Variants in CDYL2 observed in about 807,000 individuals in gnomAD.
The protein encoded by CDYL2 is chromodomain Y like 2.
In CDYL2, 23 loss-of-function variants were observed where a neutral mutation model predicts 49.4. That is an observed-to-expected ratio of 0.47 (90% CI 0.34 to 0.66). The LOEUF (loss-of-function observed/expected upper bound fraction) is 0.66. Ranked by LOEUF, CDYL2 falls within the 30% of genes least tolerant of loss-of-function variation. CDYL2 has a pLI of 0.01. For synonymous variants in CDYL2, 360 were observed against 268.8 expected (o/e 1.34, Z -3.32); for missense variants, 678 against 656.4 (o/e 1.03, Z -0.36).
At position 80,603,747 on chromosome 16, in the gene CDYL2, C is replaced by T. The variant is rs140763616; in HGVS notation, c.*641G>A. The T allele has an allele frequency of 6.5e-6, 1 of 152,792 alleles. No homozygotes were observed. The highest frequency in any genetic ancestry group is 2.4e-5 in the African/African-American group (1 of 41,576). 9.5% of individuals were successfully genotyped at this position (152,792 alleles called of 1,614,324 possible). A position where few individuals can be genotyped will look rare whatever the true frequency, so the allele number is the denominator to read the frequency against. ...CAAAACTAGCTTTACATATAATACACATAAATTATCAGAATTTCCACTTAC... is the reference window on the plus strand; with the variant it reads ...CAAAACTAGCTTTACATATAATACATATAAATTATCAGAATTTCCACTTAC... On this transcript the variant is annotated 3_prime_UTR_variant, in exon 7 of 7. Transcript: ENST00000570137.
intron 1 of CDYL2, among the ~76,000 whole-genome samples, chr16:80,719,269 C>G (rs73595121): frequency 6.6e-6 from 1 of 152,034 alleles, no homozygotes; most frequent in African/African-American, 2.4e-5. Context: ...TCCCAGGCCC[C>G]GGAAGAGGCT....
chr16:80,670,493 C>G (rs1909456392), intron 2 of CDYL2, among the ~76,000 whole-genome samples: 1 of 152,128 alleles, frequency 6.6e-6, no homozygotes, highest in Non-Finnish European at 1.5e-5. Context: ...TCAATTAAAC[C>G]TCTTTCCTTT....
chr16:80,772,339 C>T (rs892368155), intron 1 of CDYL2, among the ~76,000 whole-genome samples: 2 of 152,106 alleles, frequency 1.3e-5, no homozygotes, highest in Non-Finnish European at 2.9e-5. Context: ...TCCAATGGGG[C>T]TTAAAATATA....
intron 1 of CDYL2, among the ~76,000 whole-genome samples, chr16:80,798,864 T>C (rs1270658886): frequency 1.3e-5 from 2 of 152,186 alleles, no homozygotes; most frequent in East Asian, 1.9e-4. Context: ...ATATTTATAA[T>C]GGTTTACAAA....
At chr16:80,639,584 C>T (rs1304178497) in intron 2 of CDYL2, 4 of 430,988 alleles carry the variant, frequency 9.3e-6, no homozygotes, top group African/African-American at 4.1e-5. Context: ...ATTGTACCCT[C>T]CCCCCTGCAA....
intron 1 of CDYL2, among the ~76,000 whole-genome samples, chr16:80,791,875 G>A (rs1037107465): frequency 1.3e-5 from 2 of 152,178 alleles, no homozygotes; most frequent in African/African-American, 4.8e-5. Flanking sequence ...ATAGTCCAGA[G>A]AAAAATGGAA....
At chr16:80,759,102 C>CTATATATATA (rs59240300) in intron 1 of CDYL2, among the ~76,000 whole-genome samples, 1,345 of 63,196 alleles carry the variant, frequency 0.021, 46 homozygotes, top group East Asian at 0.042. Flanking sequence ...AAACCATATA[C>CTATATATATA]TATATATATA....
chr16:80,723,531 C>T (rs1238523287), intron 1 of CDYL2, among the ~76,000 whole-genome samples: 3 of 152,206 alleles, frequency 2.0e-5, no homozygotes, highest in African/African-American at 2.4e-5. Context: ...CCAGGTGAGA[C>T]TGACCCCATG....
chr16:80,681,416 C>G (rs1909962432), intron 2 of CDYL2, among the ~76,000 whole-genome samples: 1 of 152,188 alleles, frequency 6.6e-6, no homozygotes, highest in Admixed American at 6.5e-5. Context: ...TTCAGCAAAG[C>G]TTCCCTCTGG....
chr16:80,788,807 G>C (rs1032380187), intron 1 of CDYL2, among the ~76,000 whole-genome samples: 12 of 152,002 alleles, frequency 7.9e-5, no homozygotes, highest in African/African-American at 2.9e-4. Context: ...CATAGTGTCT[G>C]GCACATATTA....
chr16:80,705,872 C>T (rs1413104063), intron 1 of CDYL2, among the ~76,000 whole-genome samples: 2 of 152,268 alleles, frequency 1.3e-5, no homozygotes, highest in African/African-American at 2.4e-5. Flanking sequence ...TATAATTTCT[C>T]CATTCCATAG....
At chr16:80,758,342 T>C (rs1483855154) in intron 1 of CDYL2, among the ~76,000 whole-genome samples, 1 of 151,952 alleles carries the variant, frequency 6.6e-6, no homozygotes, top group East Asian at 1.9e-4. Context: ...ACAAAAGTAA[T>C]AACTACAATA....
At position 80,755,354 on chromosome 16, in the gene CDYL2, C is replaced by T. The variant is rs149514491; in HGVS notation, c.24+48796G>A. On this transcript the variant is annotated intron_variant, in intron 1 of 6. Coordinates refer to ENST00000570137, the MANE Select transcript of CDYL2 (RefSeq NM_152342.4). The stretch of plus-strand genomic sequence containing the variant: ...CTTCCTTGCTCCCTCACCTAAGAGT[C>T]CCCCTCAGGAAAAACAGAAATCAGT... Among the ~76,000 whole-genome samples the T allele has an allele frequency of 5.3e-5, 8 of 152,226 alleles. No individual in the cohort carries two copies. The East Asian group carries it at 1.5e-3, about 29-fold the overall frequency.
intron 1 of CDYL2, among the ~76,000 whole-genome samples, chr16:80,767,689 C>T (rs769610193): frequency 1.3e-5 from 2 of 152,184 alleles, no homozygotes; most frequent in Non-Finnish European, 2.9e-5. Context: ...TATAAAAGCA[C>T]GTGTCTATGC....
intron 5 of CDYL2, among the ~76,000 whole-genome samples, chr16:80,609,461 C>T (rs561865095): frequency 3.2e-4 from 49 of 152,316 alleles, no homozygotes; most frequent in East Asian, 1.7e-3. Flanking sequence ...CAATCTTTCA[C>T]GCCAGAGTAG....
chr16:80,761,162 C>T (rs1906515149), intron 1 of CDYL2, among the ~76,000 whole-genome samples: 1 of 152,166 alleles, frequency 6.6e-6, no homozygotes, highest in Non-Finnish European at 1.5e-5. Flanking sequence ...CACCAGGGAC[C>T]TACTGAATCA....
intron 2 of CDYL2, chr16:80,671,038 C>T (rs1299578932): frequency 4.4e-6 from 2 of 455,530 alleles, no homozygotes; most frequent in African/African-American, 2.0e-5. Flanking sequence ...TGACTTTCCT[C>T]TATGGCATCC....
At chr16:80,741,166 A>G (rs1309821680) in intron 1 of CDYL2, among the ~76,000 whole-genome samples, 1 of 150,042 alleles carries the variant, frequency 6.7e-6, no homozygotes, top group Non-Finnish European at 1.5e-5. Context: ...TACATAATAT[A>G]TATATAACAT....
chr16:80,783,044 T>C (rs977872106), intron 1 of CDYL2, among the ~76,000 whole-genome samples: 4 of 151,798 alleles, frequency 2.6e-5, no homozygotes, highest in African/African-American at 7.3e-5. Flanking sequence ...ACAGATACAG[T>C]AGAATTCTTT....
Sources: gnomAD v4.1 joint callset for allele counts (sites outside exome capture counted in the v4.1 genomes callset) on GRCh38, gnomAD v4.1.1 for gene constraint, MANE v1.5 for transcripts, NCBI Gene and HGNC (gene_info 2026-07-23, HGNC 2026-07-21) for gene names.